SPATA7: variants seen among roughly 807,000 people sequenced by gnomAD.
SPATA7 encodes spermatogenesis associated 7.
Under a neutral mutation model 51.8 loss-of-function variants are expected in SPATA7, and 43 were observed. The observed-to-expected ratio is 0.83, with a 90% CI of 0.65 to 1.07. The LOEUF (loss-of-function observed/expected upper bound fraction) is 1.07. Among genes scored for constraint, SPATA7 ranks in the 50% least tolerant of loss-of-function variants. The probability of loss-of-function intolerance (pLI) is 0.00; values close to 1 mark genes in which losing one functional copy is unlikely to be tolerated. For synonymous variants in SPATA7, 230 were observed against 252.8 expected (o/e 0.91, Z 0.86); for missense variants, 683 against 701.3 (o/e 0.97, Z 0.30).
intron 4 of SPATA7, chr14:88,410,798 G>C (rs1014299962): frequency 6.3e-6 from 1 of 157,860 alleles, no homozygotes; most frequent in African/African-American, 2.4e-5. Flanking sequence ...CCCGCCATAT[G>C]CCAGCCGGAG....
At chr14:88,404,110 A>G (rs2076142065) in intron 4 of SPATA7, among the ~76,000 whole-genome samples, 1 of 152,160 alleles carries the variant, frequency 6.6e-6, no homozygotes, top group African/African-American at 2.4e-5. Context: ...TCTGGTCATG[A>G]CTGGAAAGAA....
chr14:88,462,859 A>G (rs1446121225), intron 4 of SPATA7, among the ~76,000 whole-genome samples: 4 of 152,212 alleles, frequency 2.6e-5, no homozygotes, highest in Non-Finnish European at 1.5e-5. Flanking sequence ...AGAAGTTCAA[A>G]CACAATGATT....
chr14:88,440,297 A>T (rs546565715), downstream of SPATA7, among the ~76,000 whole-genome samples: 4 of 152,300 alleles, frequency 2.6e-5, no homozygotes, highest in African/African-American at 9.6e-5. Context: ...TTCAGTCTTC[A>T]TGCTCTAACT....
intron 4 of SPATA7, chr14:88,467,959 T>G: frequency 1.2e-6 from 1 of 836,230 alleles, no homozygotes; most frequent in Non-Finnish European, 1.9e-6. Context: ...TAGAAACCCC[T>G]CTTCAGCCTG....
At chr14:88,454,236 G>A (rs2077269709) in intron 3 of SPATA7, among the ~76,000 whole-genome samples, 1 of 152,122 alleles carries the variant, frequency 6.6e-6, no homozygotes, top group Admixed American at 6.5e-5. Flanking sequence ...AGCTTGCAGA[G>A]GCTGCCTGCG....
At chr14:88,425,940 C>T (rs1457077790) in intron 5 of SPATA7, among the ~76,000 whole-genome samples, 1 of 152,110 alleles carries the variant, frequency 6.6e-6, no homozygotes, top group East Asian at 1.9e-4. Context: ...ACTGACATCT[C>T]CCAATAAATC....
At chr14:88,437,456 CTTT>C in intron 10 of SPATA7, 84 bp from the exon 11 acceptor site, 1 of 929,120 alleles carries the variant, frequency 1.1e-6, no homozygotes, top group Admixed American at 2.0e-5. Flanking sequence ...ATTTTTCAAC[CTTT>C]GTAGTTTCAG....
chr14:88,414,603 G>T, intron 4 of SPATA7: 1 of 360,002 alleles, frequency 2.8e-6, no homozygotes, highest in Non-Finnish European at 5.3e-6. Context: ...TTTGGGATTA[G>T]TTCTTGTTAT....
intron 4 of SPATA7, among the ~76,000 whole-genome samples, chr14:88,398,180 G>A (rs61043966): frequency 0.035 from 5,364 of 151,956 alleles, 308 homozygotes; most frequent in African/African-American, 0.12. Flanking sequence ...AGTGTTATAC[G>A]TATGTTTATT....
downstream of SPATA7, among the ~76,000 whole-genome samples, chr14:88,456,749 T>G (rs1008448129): frequency 2.0e-5 from 3 of 152,200 alleles, no homozygotes; most frequent in African/African-American, 7.2e-5. Flanking sequence ...TTTGTCAATT[T>G]TGGCTTTTGT....
intron 5 of SPATA7, among the ~76,000 whole-genome samples, chr14:88,417,803 A>T (rs2076526817): frequency 6.6e-6 from 1 of 151,024 alleles, no homozygotes; most frequent in South Asian, 2.1e-4. Context: ...CTTTTTTTGT[A>T]CTCCTTGTGT....
chr14:88,399,001 G>A (rs1424325432), intron 4 of SPATA7, among the ~76,000 whole-genome samples: 1 of 149,536 alleles, frequency 6.7e-6, no homozygotes, highest in Admixed American at 6.7e-5. Flanking sequence ...GCAGTGAGCC[G>A]AGATGATGCC....
In SPATA7 at chr14:88,469,521, T is replaced by C. The variant is rs2077421939; in HGVS notation, c.255-326T>C. On this transcript the variant is annotated intron_variant, in intron 4 of 4. Transcript: ENST00000556406. The surrounding 1 kb of genome is among the most constrained non-coding windows in gnomAD (Gnocchi z 4.3). ...CACATAAAAATCCCTTGAGGTCTTC[T>C]GGACAGCCATGTTCAGGCCAGTCTG... 1 of 1,613,994 alleles carries C rather than the reference T, an allele frequency of 6.2e-7. No individual in the cohort carries two copies. Among genetic ancestry groups the C allele is most frequent in the East Asian group, 2.2e-5 (1 of 44,888 alleles).
At chr14:88,400,555 C>A (rs1595195545) in intron 4 of SPATA7, among the ~76,000 whole-genome samples, 1 of 152,070 alleles carries the variant, frequency 6.6e-6, no homozygotes, top group East Asian at 1.9e-4. Context: ...CAACAGAGGC[C>A]ACATGTGGTG....
At chr14:88,398,731 T>G (rs1019166781) in intron 4 of SPATA7, among the ~76,000 whole-genome samples, 1 of 152,162 alleles carries the variant, frequency 6.6e-6, no homozygotes, top group African/African-American at 2.4e-5. Flanking sequence ...TGAATTTATG[T>G]AGAGTTTGAG....
chr14:88,424,968 C>T (rs2076748571), intron 5 of SPATA7, among the ~76,000 whole-genome samples: 1 of 152,036 alleles, frequency 6.6e-6, no homozygotes, highest in Non-Finnish European at 1.5e-5. Flanking sequence ...GAGTTAAAAT[C>T]AGTTTAAAAT....
chr14:88,420,082 G>T (rs1452001375), intron 5 of SPATA7, among the ~76,000 whole-genome samples: 1 of 152,156 alleles, frequency 6.6e-6, no homozygotes, highest in Non-Finnish European at 1.5e-5. Context: ...TTCCTTAAAA[G>T]AGAATGGAAA....
chr14:88,450,030 T>G (rs980593839), intron 3 of SPATA7, among the ~76,000 whole-genome samples: 2 of 152,166 alleles, frequency 1.3e-5, no homozygotes, highest in Non-Finnish European at 2.9e-5. Flanking sequence ...GAGTTTCTGT[T>G]TCTTCCTGGG....
In SPATA7 at chr14:88,469,420, AT is replaced by A; in HGVS notation, c.255-424del. On this transcript the variant is annotated intron_variant, in intron 4 of 4. Transcript: ENST00000556406. This position sits in a 1 kb window ranked among gnomAD's most constrained non-coding sequence, Gnocchi z 4.3. ...TTATATGAGATAACATAAAGGAAAT[AT>A]TTCGGAAACATAAATGTTCCTCTCT... 2 of 1,250,460 alleles carry A rather than the reference AT, an allele frequency of 1.6e-6. No homozygotes were observed. The highest frequency in any genetic ancestry group is 2.3e-6 in the Non-Finnish European group (2 of 867,828). 77.5% of individuals were successfully genotyped at this position (1,250,460 alleles called of 1,614,324 possible).
Sources: gnomAD v4.1 joint callset for allele counts (sites outside exome capture counted in the v4.1 genomes callset) on GRCh38, gnomAD v4.1.1 for gene constraint, Gnocchi (gnomAD v3.1) non-coding constraint, MANE v1.5 for transcripts, NCBI Gene and HGNC (gene_info 2026-07-23, HGNC 2026-07-21) for gene names.